Variants in MGA observed in about 807,000 individuals in gnomAD.
MGA encodes MAX dimerization protein MGA.
Under a neutral mutation model 261.1 loss-of-function variants are expected in MGA, and 40 were observed. The observed-to-expected ratio is 0.15, with a 90% CI of 0.12 to 0.20. The LOEUF (loss-of-function observed/expected upper bound fraction) is 0.20. MGA is among the 10% of genes least tolerant of loss of function. MGA has a pLI of 1.00. For missense variants in MGA, 3,397 were observed against 3,630.5 expected (o/e 0.94, Z 1.65); for synonymous variants, 1,302 against 1,290.6 (o/e 1.01, Z -0.19).
intron 2 of MGA, among the ~76,000 whole-genome samples, chr15:41,687,205 G>A (rs558648629): frequency 6.8e-4 from 104 of 151,988 alleles, no homozygotes; most frequent in Non-Finnish European, 1.4e-3. Flanking sequence ...CCTTAGATTA[G>A]GGTTTGGTGG....
chr15:41,625,543 G>A (rs950424758), intron 1 of MGA, among the ~76,000 whole-genome samples: 4 of 150,930 alleles, frequency 2.7e-5, no homozygotes, highest in African/African-American at 7.3e-5. Context: ...GCAAAACCTT[G>A]TCTCTACGAG....
chr15:41,763,092 C>CTTTTTTTTTTTTTT (rs71108131), intron 22 of MGA, among the ~76,000 whole-genome samples: 1 of 63,970 alleles, frequency 1.6e-5, no homozygotes, highest in Non-Finnish European at 2.9e-5. Context: ...TTCTTTCTTC[C>CTTTTTTTTTTTTTT]TTTTTTTTTT....
At position 41,769,752 on chromosome 15, in the gene MGA, A is replaced by C. The variant is rs2063957338; in HGVS notation, c.*2472A>C. On this transcript the variant is annotated 3_prime_UTR_variant, in exon 24 of 24. Transcript: ENST00000219905. Reference sequence around the variant, plus strand: ...AATTCACCTTTTTATACATCTGTAAATAAATGGAATGTTTTTAAGAATATA... The same window carrying C: ...AATTCACCTTTTTATACATCTGTAACTAAATGGAATGTTTTTAAGAATATA... 6.6e-6 allele frequency: 1 copy of C among 152,652 alleles called. No individual in the cohort carries two copies. Among genetic ancestry groups the C allele is most frequent in the African/African-American group, 2.4e-5 (1 of 41,456 alleles). The allele number at this position is 152,652 out of a possible 1,614,324, so 9.5% of individuals were successfully genotyped here. A position where few individuals can be genotyped will look rare whatever the true frequency, so the allele number is the denominator to read the frequency against.
intron 2 of MGA, among the ~76,000 whole-genome samples, chr15:41,690,612 T>TGG (rs1457353479): frequency 3.9e-5 from 6 of 152,140 alleles, no homozygotes; most frequent in African/African-American, 1.4e-4. Flanking sequence ...CTCAGCACTT[T>TGG]GGGAGGCCAA....
At chr15:41,713,827 C>T (rs1288056493) in intron 9 of MGA, among the ~76,000 whole-genome samples, 6 of 152,154 alleles carry the variant, frequency 3.9e-5, no homozygotes, top group South Asian at 4.1e-4. Flanking sequence ...GACACACGTA[C>T]GTTCCTTGGA....
chr15:41,625,013 C>G (rs2056412093), intron 1 of MGA, among the ~76,000 whole-genome samples: 1 of 152,024 alleles, frequency 6.6e-6, no homozygotes. Context: ...TGTGGTGGCA[C>G]ATCCCTGTTG....
intron 6 of MGA, 105 bp from the exon 7 acceptor site, chr15:41,707,999 A>G: frequency 1.2e-5 from 16 of 1,351,900 alleles, no homozygotes; most frequent in Non-Finnish European, 1.5e-5. Flanking sequence ...TATAGTTTTG[A>G]TAAGTGATTT....
At chr15:41,706,002 G>T (rs1347182062) in intron 5 of MGA, among the ~76,000 whole-genome samples, 2 of 152,138 alleles carry the variant, frequency 1.3e-5, no homozygotes, top group East Asian at 3.8e-4. Context: ...ACTTTGGGAG[G>T]CCGAGGCGGG....
Position 41,725,856 on chromosome 15 carries a change from ATAAATAAAT to A in MGA, c.3431-1323_3431-1315del, listed in dbSNP as rs796148169. Among the ~76,000 whole-genome samples, 6 of 18,932 alleles carry A rather than the reference ATAAATAAAT, an allele frequency of 3.2e-4. 1 individual carries two copies. Among genetic ancestry groups the A allele is most frequent in the South Asian group, 5.9e-3 (2 of 338 alleles). 12.4% of individuals were successfully genotyped at this position (18,932 alleles called of 152,430 possible). ...TCTCAAAAAAAAAAAAAAAAAAAAAATAAATAAATAAATAAATAAATAAGTAAACCCAGG... is the reference window on the plus strand; with the variant it reads ...TCTCAAAAAAAAAAAAAAAAAAAAAAAAATAAATAAATAAGTAAACCCAGG... On this transcript the variant is annotated intron_variant, in intron 9 of 23. Transcript: ENST00000219905.
At chr15:41,742,463 A>G (rs2062171172) in intron 14 of MGA, 83 bp from the exon 15 acceptor site, 1 of 1,494,038 alleles carries the variant, frequency 6.7e-7, no homozygotes, top group South Asian at 1.3e-5. Flanking sequence ...CCAGTAGTGC[A>G]CAGTAAATGT....
At chr15:41,701,734 T>C (rs963575378) in intron 5 of MGA, among the ~76,000 whole-genome samples, 1 of 152,138 alleles carries the variant, frequency 6.6e-6, no homozygotes, top group African/African-American at 2.4e-5. Flanking sequence ...CTAATAGTTT[T>C]TTGGGCACCT....
Position 41,725,561 on chromosome 15 carries a change from C to T in MGA, c.3431-1619C>T, listed in dbSNP as rs1380492973. Among the ~76,000 whole-genome samples, 6 of 54,044 alleles carry T rather than the reference C, an allele frequency of 1.1e-4. 3 individuals carry two copies. The highest frequency in any genetic ancestry group is 2.8e-4 in the Non-Finnish European group (6 of 21,436). The allele number at this position is 54,044 out of a possible 152,430, so 35.5% of individuals were successfully genotyped here. ...AAAAATAAATAAGTAGGGCCGGGCG[C>T]GGTGGCTCACGCCTGTAATCCCAGC... On this transcript the variant is annotated intron_variant, in intron 9 of 23. Transcript: ENST00000219905.
At chr15:41,661,472 C>A (rs2057397052) in intron 1 of MGA, among the ~76,000 whole-genome samples, 2 of 151,850 alleles carry the variant, frequency 1.3e-5, no homozygotes, top group African/African-American at 4.8e-5. Context: ...CAGATTTTTG[C>A]CTTGCCTTTC....
In MGA at chr15:41,711,184, ACAGCAG is replaced by A. The variant is rs565548940; in HGVS notation, c.2928_2933del (p.Gln980_Gln981del). On this transcript the variant is annotated inframe_deletion, in exon 8 of 24. Transcript: ENST00000219905. ...CAAAGCAGATTAGTTTGCGGCAGGC[ACAGCAG>A]CAGCAGCAACAGCAACAGGGAAGTC... 6.6e-5 allele frequency: 107 copies of A among 1,613,902 alleles called. No homozygotes were observed. In the African/African-American group the frequency reaches 1.2e-3, roughly 18 times the overall value.
intron 9 of MGA, among the ~76,000 whole-genome samples, chr15:41,717,566 C>T (rs1262500524): frequency 6.6e-6 from 1 of 152,126 alleles, no homozygotes; most frequent in East Asian, 1.9e-4. Context: ...AGCTACAAAA[C>T]TCACTCAAGA....
At chr15:41,634,137 A>G (rs1339287429) in intron 1 of MGA, among the ~76,000 whole-genome samples, 1 of 152,110 alleles carries the variant, frequency 6.6e-6, no homozygotes, top group Non-Finnish European at 1.5e-5. Context: ...GTAGCATCAC[A>G]GTATATAACA....
chr15:41,712,296 G>A lies in MGA; in HGVS notation c.3085-855G>A, dbSNP rs889051767. Among the ~76,000 whole-genome samples, 13 of 152,114 alleles carry A rather than the reference G, an allele frequency of 8.5e-5. No homozygotes were observed. The South Asian group carries it at 1.2e-3, about 15-fold the overall frequency. ...GTTGCCCAGGCTGGAGTTTAGTGGC[G>A]TGATCACAGCTCACTGTGGTCCTCC... On this transcript the variant is annotated intron_variant, in intron 8 of 23. Transcript: ENST00000219905.
At chr15:41,622,779 C>G (rs2056338300) in intron 1 of MGA, among the ~76,000 whole-genome samples, 1 of 152,174 alleles carries the variant, frequency 6.6e-6, no homozygotes, top group African/African-American at 2.4e-5. Flanking sequence ...TTCTTGGTCT[C>G]TCCTCCCAGT....
At chr15:41,625,981 C>T (rs2056440554) in intron 1 of MGA, among the ~76,000 whole-genome samples, 3 of 152,266 alleles carry the variant, frequency 2.0e-5, no homozygotes, top group African/African-American at 4.8e-5. Flanking sequence ...ATCACATTTA[C>T]ATAACTTTTA....
Sources: allele counts gnomAD v4.1 joint callset (sites outside exome capture counted in the v4.1 genomes callset), GRCh38; gene constraint gnomAD v4.1.1; transcripts MANE v1.5; gene names NCBI Gene and HGNC (gene_info 2026-07-23, HGNC 2026-07-21).